Variants in NEK5 observed in about 807,000 individuals in gnomAD.
NEK5 encodes NIMA related kinase 5, also known as serine/threonine-protein kinase Nek5.
Under a neutral mutation model 109.2 loss-of-function variants are expected in NEK5, and 88 were observed. That is an observed-to-expected ratio of 0.81 (90% CI 0.68 to 0.96). The LOEUF is 0.96. NEK5 is among the 40% of genes least tolerant of loss of function. The probability of loss-of-function intolerance (pLI) is 0.00; values close to 1 mark genes in which losing one functional copy is unlikely to be tolerated. For synonymous variants in NEK5, 283 were observed against 299.9 expected (o/e 0.94, Z 0.58); for missense variants, 834 against 920.7 (o/e 0.91, Z 1.22).
Position 52,127,395 on chromosome 13 carries a change from A to G in NEK5, c.88T>C (p.Cys30Arg), listed in dbSNP as rs1240794082. ...LAKGKSDSKH[C>R]VIKEINFEKM... is the part of the protein sequence containing the mutation. ...TCAAAATTGATCTCTTTTATGACAC[A>G]GTGCTTGCTATCTGATTTCCCTTTA... The change falls in exon 3 of 24, where the codon TGT becomes CGT. Residue 30 changes from cysteine to arginine, a missense_variant. By Grantham distance (180) the Cys-to-Arg change is radical. Around this residue, in one of 2 missense-constraint regions of NEK5, gnomAD observed 777 missense variants for 824.7 expected, o/e 0.94. Transcript: ENST00000684899. 6.2e-7 allele frequency: 1 copy of G among 1,607,282 alleles called. No homozygotes were observed.
intron 4 of NEK5, among the ~76,000 whole-genome samples, chr13:52,115,503 G>C (rs1290518686): frequency 1.3e-5 from 2 of 150,482 alleles, no homozygotes; most frequent in Non-Finnish European, 3.0e-5. Flanking sequence ...TACTCAGGAG[G>C]CTGAGGCAGG....
At chr13:52,095,504 T>C (rs1435990101) in intron 12 of NEK5, among the ~76,000 whole-genome samples, 1 of 152,254 alleles carries the variant, frequency 6.6e-6, no homozygotes, top group East Asian at 1.9e-4. Context: ...ATTTAATTCA[T>C]CCTCAAATCT....
In NEK5 at chr13:52,064,469, C is replaced by T. The variant is rs1378546566; in HGVS notation, c.1975+1015G>A. Among the ~76,000 whole-genome samples the T allele has an allele frequency of 6.2e-5, 9 of 144,394 alleles. No individual in the cohort carries two copies. In the South Asian group the frequency reaches 1.8e-3, roughly 28 times the overall value. 94.7% of individuals were successfully genotyped at this position (144,394 alleles called of 152,430 possible). On this transcript the variant is annotated intron_variant, in intron 21 of 23. Transcript: ENST00000684899. ...AGGTGGGGGGGGTCAGCCCCCCGCC[C>T]GGCCAGCCGCCCCGTCTGGGAGGGA...
At chr13:52,056,063 C>T (rs1373781442) in intron 22 of NEK5, among the ~76,000 whole-genome samples, 1 of 152,108 alleles carries the variant, frequency 6.6e-6, no homozygotes, top group Non-Finnish European at 1.5e-5. Context: ...ATCTCACATG[C>T]AGAGACACAC....
intron 19 of NEK5, among the ~76,000 whole-genome samples, chr13:52,074,477 C>G (rs1954833072): frequency 6.6e-6 from 1 of 152,066 alleles, no homozygotes; most frequent in African/African-American, 2.4e-5. Context: ...ATACAAAAAT[C>G]AGCTAAAGAT....
intron 13 of NEK5, among the ~76,000 whole-genome samples, chr13:52,091,664 T>C (rs1439607116): frequency 1.3e-5 from 2 of 152,074 alleles, no homozygotes; most frequent in Non-Finnish European, 2.9e-5. Flanking sequence ...ACAAAAAAAA[T>C]TGATGACAAA....
chr13:52,038,254 G>A (rs945996340), intron 23 of NEK5, among the ~76,000 whole-genome samples: 3 of 151,618 alleles, frequency 2.0e-5, no homozygotes, highest in Non-Finnish European at 4.4e-5. Flanking sequence ...TGCAGGAGGC[G>A]GAGGTTGCAG....
intron 19 of NEK5, among the ~76,000 whole-genome samples, chr13:52,072,690 G>A (rs1954803559): frequency 6.6e-6 from 1 of 152,136 alleles, no homozygotes; most frequent in South Asian, 2.1e-4. Context: ...TTGAACAGAG[G>A]TGAATGCTAA....
chr13:52,110,681 C>CGT (rs1955741857), intron 5 of NEK5, 104 bp from the exon 6 acceptor site: 6 of 659,334 alleles, frequency 9.1e-6, no homozygotes, highest in Non-Finnish European at 1.6e-5. Context: ...CACACACACA[C>CGT]ACATACACAC....
rs1358811988 is a variant in NEK5, at chr13:52,047,521, G to A, written c.2228+2583C>T. Among the ~76,000 whole-genome samples the A allele has an allele frequency of 3.3e-5, 5 of 152,096 alleles. No homozygotes were observed. The East Asian group carries it at 5.8e-4, about 18-fold the overall frequency. On this transcript the variant is annotated intron_variant, in intron 23 of 23. Transcript: ENST00000684899. ...AGGGTCTACTTAAAAAATTTGGGAC[G>A]TATTTTAAAAGTAAATCATGGGCCA...
chr13:52,037,739 CG>C (rs1954374132), intron 23 of NEK5, among the ~76,000 whole-genome samples: 1 of 152,006 alleles, frequency 6.6e-6, no homozygotes, highest in Non-Finnish European at 1.5e-5. Flanking sequence ...CTGGCTAACA[CG>C]GTGAAACCCC....
At chr13:52,075,674 T>C in intron 19 of NEK5, 84 bp downstream of exon 19, 1 of 851,712 alleles carries the variant, frequency 1.2e-6, no homozygotes, top group Non-Finnish European at 1.9e-6. Context: ...CCCTACAGCC[T>C]GTGAAATAAT....
intron 21 of NEK5, among the ~76,000 whole-genome samples, chr13:52,063,569 G>T (rs1444207847): frequency 7.0e-6 from 1 of 143,006 alleles, no homozygotes; most frequent in Non-Finnish European, 1.5e-5. Flanking sequence ...CTGCCTGGCT[G>T]CCCAGTCTGG....
intron 3 of NEK5, among the ~76,000 whole-genome samples, chr13:52,121,610 A>G (rs1222297252): frequency 6.6e-6 from 1 of 152,232 alleles, no homozygotes; most frequent in Admixed American, 6.5e-5. Context: ...AGAAGTGAAT[A>G]AGGTAAAAGT....
chr13:52,118,346 A>C (rs537888322), intron 4 of NEK5, among the ~76,000 whole-genome samples: 16 of 152,266 alleles, frequency 1.1e-4, no homozygotes, highest in African/African-American at 3.6e-4. Context: ...GTCACAACTT[A>C]AGACACACCT....
chr13:52,089,379 G>T, intron 13 of NEK5, 66 bp from the exon 14 acceptor site: 1 of 984,720 alleles, frequency 1.0e-6, no homozygotes, highest in Non-Finnish European at 1.6e-6. Flanking sequence ...AATTTGACGA[G>T]TAATTTTCAG....
At chr13:52,086,218 C>T (rs1212275201) in intron 16 of NEK5, 59 bp downstream of exon 16, 5 of 1,036,368 alleles carry the variant, frequency 4.8e-6, no homozygotes, top group Non-Finnish European at 7.6e-6. Flanking sequence ...TTAATACCAG[C>T]TCAATTTAGT....
chr13:52,088,570 A>AT (rs1422418247), intron 14 of NEK5, among the ~76,000 whole-genome samples: 1 of 152,016 alleles, frequency 6.6e-6, no homozygotes, highest in Non-Finnish European at 1.5e-5. Context: ...ACTTTTTTTA[A>AT]TGTGCAGCAG....
At chr13:52,107,860 C>T (rs985441255) in intron 8 of NEK5, among the ~76,000 whole-genome samples, 5 of 152,068 alleles carry the variant, frequency 3.3e-5, no homozygotes, top group African/African-American at 1.2e-4. Flanking sequence ...GGTAATCACC[C>T]CAGGACCTAG....
Sources: gnomAD v4.1 joint callset for allele counts (sites outside exome capture counted in the v4.1 genomes callset) on GRCh38, gnomAD v4.1.1 for gene constraint, gnomAD v4.1.1 regional missense constraint, MANE v1.5 for transcripts, NCBI Gene and HGNC (gene_info 2026-07-23, HGNC 2026-07-21) for gene names.